The following C2CD2 variants were observed in gnomAD, a reference collection of about 807,000 sequenced individuals.
C2CD2 encodes C2 domain-containing protein 2.
C2CD2 carries 43 observed loss-of-function variants against 74.3 expected under a neutral mutation model. The ratio of observed to expected loss-of-function variants is 0.58; its 90% CI spans 0.45 to 0.75. The LOEUF is 0.75. Ranked by LOEUF, C2CD2 falls within the 30% of genes least tolerant of loss-of-function variation. The probability of loss-of-function intolerance (pLI) is 0.00; values close to 1 mark genes in which losing one functional copy is unlikely to be tolerated. For synonymous variants in C2CD2, 422 were observed against 390.7 expected, an observed-to-expected ratio of 1.08 and a Z score of -0.94; for missense variants, 801 against 916.3, an observed-to-expected ratio of 0.87 and a Z score of 1.63.
intron 2 of C2CD2, among the ~76,000 whole-genome samples, chr21:41,931,846 C>T (rs1296594962): frequency 6.8e-6 from 1 of 146,662 alleles, no homozygotes; most frequent in East Asian, 2.0e-4. Flanking sequence ...CCTCCAACAT[C>T]CCACCACTCC....
At chr21:41,890,667 C>T (rs550606176) in intron 13 of C2CD2, among the ~76,000 whole-genome samples, 2 of 152,272 alleles carry the variant, frequency 1.3e-5, no homozygotes, top group Admixed American at 6.5e-5. Context: ...TAGGCATATC[C>T]AATAAACATT....
At chr21:41,893,231 G>GT (rs1363322561) in intron 13 of C2CD2, among the ~76,000 whole-genome samples, 4 of 152,200 alleles carry the variant, frequency 2.6e-5, no homozygotes, top group African/African-American at 9.7e-5. Context: ...ATTTATGCAA[G>GT]TGAAATTGTA....
chr21:41,926,204 AT>A lies in C2CD2; in HGVS notation c.379-4120del, dbSNP rs201100239. ...AACAACCAACCATCCCCCAACCTGC[AT>A]TTTTTTGACATTTTTTTTCCCCAAA... On this transcript the variant is annotated intron_variant, in intron 2 of 13. Coordinates refer to ENST00000380486, the MANE Select transcript of C2CD2 (RefSeq NM_015500.2). This position sits in a 1 kb window ranked among gnomAD's most constrained non-coding sequence, Gnocchi z 8.0. 3.5e-3 allele frequency among the ~76,000 whole-genome samples: 528 copies of A among 152,284 alleles called. 4 individuals carry two copies. Among genetic ancestry groups the A allele is most frequent in the African/African-American group, 0.012 (485 of 41,568 alleles).
At chr21:41,930,673 G>C (rs1468451779) in intron 2 of C2CD2, among the ~76,000 whole-genome samples, 1 of 149,178 alleles carries the variant, frequency 6.7e-6, no homozygotes, top group Non-Finnish European at 1.5e-5. Context: ...CTGCACTCCA[G>C]CCTGGGCAAG....
intron 2 of C2CD2, among the ~76,000 whole-genome samples, chr21:41,933,946 A>G (rs947131580): frequency 1.3e-5 from 2 of 152,202 alleles, no homozygotes; most frequent in Non-Finnish European, 2.9e-5. Context: ...ACAAAACAAG[A>G]GTCCGTGTGT....
chr21:41,947,139 T>TCTCTCTCTCTCTCTCTCC (rs1365076208), intron 1 of C2CD2, among the ~76,000 whole-genome samples: 33 of 122,376 alleles, frequency 2.7e-4, no homozygotes, highest in Admixed American at 6.7e-4. Context: ...TCTCTCTCTC[T>TCTCTCTCTCTCTCTCTCC]CCCTCCCTCC....
In C2CD2 at chr21:41,929,346, T is replaced by C. The variant is rs1010900399; in HGVS notation, c.379-7261A>G. Among the ~76,000 whole-genome samples the C allele has an allele frequency of 6.6e-6, 1 of 152,210 alleles. No homozygotes were observed. The highest frequency in any genetic ancestry group is 1.5e-5 in the Non-Finnish European group (1 of 68,042). On this transcript the variant is annotated intron_variant, in intron 2 of 13. Transcript: ENST00000380486. The surrounding 1 kb of genome is among the most constrained non-coding windows in gnomAD (Gnocchi z 4.6). The stretch of plus-strand genomic sequence containing the variant: ...CTCATGAGAAGGGATACAAGCTCTA[T>C]ACCCAGGGCCTGGGCACACCTGATG...
Position 41,899,475 on chromosome 21 carries a change from A to AAG in C2CD2, c.1561-115_1561-114dup, listed in dbSNP as rs2064866649. 4 of 1,052,770 alleles carry AAG rather than the reference A, an allele frequency of 3.8e-6. No homozygotes were observed. The highest frequency in any genetic ancestry group is 5.5e-6 in the Non-Finnish European group (4 of 729,560). 65.2% of individuals were successfully genotyped at this position (1,052,770 alleles called of 1,614,324 possible). A position where few individuals can be genotyped will look rare whatever the true frequency, so the allele number is the denominator to read the frequency against. On this transcript the variant is annotated intron_variant, in intron 12 of 13. Coordinates refer to ENST00000380486, the MANE Select transcript of C2CD2 (RefSeq NM_015500.2). The surrounding 1 kb of genome is among the most constrained non-coding windows in gnomAD (Gnocchi z 4.4). ...CTGACAGCTGATTTCAAAGTCTCAG[A>AAG]AGATGCAGCCGTGGGCCTCATAGAA...
chr21:41,905,078 C>T (rs1373687247), intron 11 of C2CD2, among the ~76,000 whole-genome samples: 3 of 151,768 alleles, frequency 2.0e-5, no homozygotes, highest in South Asian at 2.1e-4. Context: ...ACGGTGAGGA[C>T]GATGTCCTGA....
In C2CD2 at chr21:41,942,181, T is replaced by A; in HGVS notation, c.344A>T (p.Glu115Val). Residue 115 changes from glutamate to valine, a missense_variant, in exon 2 of 14, where the codon GAG (glutamate) becomes GTG (valine). By Grantham distance (121) the Glu-to-Val change is moderately radical. Coordinates refer to ENST00000380486, the MANE Select transcript of C2CD2 (RefSeq NM_015500.2). ...CGCCGACCTGAGCACGCTGGAGACCTCCTGCACCACCAGCTCCAGTGCCTG... is the reference window on the plus strand; with the variant it reads ...CGCCGACCTGAGCACGCTGGAGACCACCTGCACCACCAGCTCCAGTGCCTG... ...RQQALELVVQ[E>V]VSSVLRSAEE... is the part of the protein sequence containing the mutation. 6 of 1,549,470 alleles carry A rather than the reference T, an allele frequency of 3.9e-6. No homozygotes were observed. The highest frequency in any genetic ancestry group is 5.2e-6 in the Non-Finnish European group (6 of 1,146,814).
chr21:41,905,936 T>C (rs745490251), intron 10 of C2CD2, 99 bp from the exon 11 acceptor site: 2 of 748,698 alleles, frequency 2.7e-6, no homozygotes, highest in African/African-American at 1.7e-5. Flanking sequence ...AACTCTGGTG[T>C]GTGCAGTTGG....
Position 41,948,870 on chromosome 21 carries a change from C to CTTTT in C2CD2, c.279+4496_279+4499dup, listed in dbSNP as rs967927171. 5.9e-3 allele frequency among the ~76,000 whole-genome samples: 474 copies of CTTTT among 80,692 alleles called. 121 individuals are homozygous for CTTTT. Among genetic ancestry groups the CTTTT allele is most frequent in the Non-Finnish European group, 7.8e-3 (335 of 43,176 alleles). The allele number at this position is 80,692 out of a possible 152,430, so 52.9% of individuals were successfully genotyped here. On this transcript the variant is annotated intron_variant, in intron 1 of 13. Transcript: ENST00000380486. The stretch of plus-strand genomic sequence containing the variant: ...AATATGTTCCAAGTCCACACAGCAT[C>CTTTT]TTTTTTTTTTTTTTTTTTTTTTCTT...
rs1331581120 is a variant in C2CD2, at chr21:41,923,490, G to A, written c.379-1405C>T. Among the ~76,000 whole-genome samples, 1 of 152,180 alleles carries A rather than the reference G, an allele frequency of 6.6e-6. No homozygotes were observed. The highest frequency in any genetic ancestry group is 1.5e-5 in the Non-Finnish European group (1 of 68,028). ...TTTCTTAAATTACCCAGAACACAAT[G>A]GGTTGCTTCCACCTAAATAATTTCG... On this transcript the variant is annotated intron_variant, in intron 2 of 13. Coordinates refer to ENST00000380486, the MANE Select transcript of C2CD2 (RefSeq NM_015500.2). This position sits in a 1 kb window ranked among gnomAD's most constrained non-coding sequence, Gnocchi z 5.8.
chr21:41,949,700 G>C (rs1026419511), intron 1 of C2CD2, among the ~76,000 whole-genome samples: 1 of 152,182 alleles, frequency 6.6e-6, no homozygotes, highest in African/African-American at 2.4e-5. Flanking sequence ...CATGTTTATT[G>C]CAGCATTATT....
chr21:41,926,124 AG>A lies in C2CD2; in HGVS notation c.379-4040del, dbSNP rs1226922144. Among the ~76,000 whole-genome samples, 3 of 152,236 alleles carry A rather than the reference AG, an allele frequency of 2.0e-5. No individual in the cohort carries two copies. The highest frequency in any genetic ancestry group is 4.4e-5 in the Non-Finnish European group (3 of 68,040). Reference sequence around the variant, plus strand: ...AGGACAGGAGTGAACCCCCAGCCCCAGGGAAGAACTCCACAGAGCCCAGGTC... The same window carrying A: ...AGGACAGGAGTGAACCCCCAGCCCCAGGAAGAACTCCACAGAGCCCAGGTC... On this transcript the variant is annotated intron_variant, in intron 2 of 13. Coordinates refer to ENST00000380486, the MANE Select transcript of C2CD2 (RefSeq NM_015500.2). The surrounding 1 kb of genome is among the most constrained non-coding windows in gnomAD (Gnocchi z 8.0).
At chr21:41,922,740 G>A (rs1400674064) in intron 2 of C2CD2, among the ~76,000 whole-genome samples, 1 of 152,192 alleles carries the variant, frequency 6.6e-6, no homozygotes, top group Non-Finnish European at 1.5e-5. Context: ...CTCCCAAAGT[G>A]CTGGGATTAC....
Position 41,918,246 on chromosome 21 carries a change from G to A in C2CD2, c.598-19C>T. ...CCTGGTCCTGGTGAAAGAGGAGAAA[G>A]TTGACAAATCGCCTTTGCAAGCCCA... is the stretch of plus-strand genomic sequence containing the variant. On this transcript the variant is annotated intron_variant, in intron 4 of 13. Coordinates refer to ENST00000380486, the MANE Select transcript of C2CD2 (RefSeq NM_015500.2). The A allele has an allele frequency of 6.2e-7, 1 of 1,613,424 alleles. No individual in the cohort carries two copies. Among genetic ancestry groups the A allele is most frequent in the Non-Finnish European group, 8.5e-7 (1 of 1,179,620 alleles).
chr21:41,888,812 T>C lies in C2CD2; in HGVS notation c.*312A>G, dbSNP rs1422031743. 1 of 400,952 alleles carries C rather than the reference T, an allele frequency of 2.5e-6. No individual in the cohort carries two copies. The highest frequency in any genetic ancestry group is 4.6e-6 in the Non-Finnish European group (1 of 215,560). The allele number at this position is 400,952 out of a possible 1,614,324, so 24.8% of individuals were successfully genotyped here. A position where few individuals can be genotyped will look rare whatever the true frequency, so the allele number is the denominator to read the frequency against. Reference sequence around the variant, plus strand: ...GCCCTCCACAATCTATTAGAGCATATTATTTCACTTATAATGTTAATCTCC... The same window carrying C: ...GCCCTCCACAATCTATTAGAGCATACTATTTCACTTATAATGTTAATCTCC... On this transcript the variant is annotated 3_prime_UTR_variant, in exon 14 of 14. Coordinates refer to ENST00000380486, the MANE Select transcript of C2CD2 (RefSeq NM_015500.2).
At chr21:41,952,830 C>G (rs746161463) in intron 1 of C2CD2, 2 of 152,388 alleles carry the variant, frequency 1.3e-5, no homozygotes, top group Non-Finnish European at 2.9e-5. Context: ...TGTGAGGATT[C>G]AGAGATGGCA....
Sources: allele counts gnomAD v4.1 joint callset (sites outside exome capture counted in the v4.1 genomes callset), GRCh38; gene constraint gnomAD v4.1.1; non-coding constraint Gnocchi (gnomAD v3.1); transcripts MANE v1.5; gene names NCBI Gene and HGNC (gene_info 2026-07-23, HGNC 2026-07-21).